The following UBE2E2 variants were observed in gnomAD, a reference collection of about 807,000 sequenced individuals.
UBE2E2 encodes ubiquitin-conjugating enzyme E2 E2.
Under a neutral mutation model 24.7 loss-of-function variants are expected in UBE2E2, and 6 were observed. The ratio of observed to expected loss-of-function variants is 0.24; its 90% CI spans 0.13 to 0.48. The LOEUF (loss-of-function observed/expected upper bound fraction) is 0.48. UBE2E2 is among the 20% of genes least tolerant of loss of function. The probability of loss-of-function intolerance (pLI) is 0.99; values close to 1 mark genes in which losing one functional copy is unlikely to be tolerated. For synonymous variants in UBE2E2, 104 were observed against 83.6 expected (o/e 1.24, Z -1.33); for missense variants, 169 against 245.0 (o/e 0.69, Z 2.07).
chr3:23,426,169 T>A (rs1268447569), intron 3 of UBE2E2, among the ~76,000 whole-genome samples: 17 of 152,040 alleles, frequency 1.1e-4, no homozygotes, highest in Admixed American at 9.2e-4. Context: ...AAACCTTGAG[T>A]ATATGTCAGT....
chr3:23,306,124 G>A (rs1365466684), intron 3 of UBE2E2, among the ~76,000 whole-genome samples: 2 of 152,098 alleles, frequency 1.3e-5, no homozygotes, highest in African/African-American at 4.8e-5. Flanking sequence ...CAACCTACGT[G>A]GCCACTGAAA....
chr3:23,282,772 T>C (rs1437099237), intron 3 of UBE2E2, among the ~76,000 whole-genome samples: 1 of 152,136 alleles, frequency 6.6e-6, no homozygotes, highest in East Asian at 1.9e-4. Flanking sequence ...CTTTTTATAC[T>C]AGATACACGT....
chr3:23,519,189 G>T (rs947123672), intron 4 of UBE2E2, among the ~76,000 whole-genome samples: 1 of 151,650 alleles, frequency 6.6e-6, no homozygotes, highest in East Asian at 1.9e-4. Context: ...GCAAGAATTA[G>T]CACATTCTCA....
intron 4 of UBE2E2, among the ~76,000 whole-genome samples, chr3:23,527,999 C>G (rs1695039718): frequency 6.6e-6 from 1 of 152,146 alleles, no homozygotes. Flanking sequence ...GTGGGAACCC[C>G]CAGTTTATAA....
At chr3:23,528,430 G>A (rs1375784462) in intron 4 of UBE2E2, among the ~76,000 whole-genome samples, 2 of 152,150 alleles carry the variant, frequency 1.3e-5, no homozygotes, top group African/African-American at 4.8e-5. Context: ...GAAAAGATGA[G>A]GCAGGGCGAG....
In UBE2E2 at chr3:23,589,279, GTGT is replaced by G. The variant is rs1261928542; in HGVS notation, c.509-449_509-447del. On this transcript the variant is annotated intron_variant, in intron 5 of 5. Transcript: ENST00000396703. This position sits in a 1 kb window ranked among gnomAD's most constrained non-coding sequence, Gnocchi z 4.1. ...AAAAAAAAATTTGAAAATTAGCCAG[GTGT>G]TGTTGCACACACCTGTGGTCCCAGC... Among the ~76,000 whole-genome samples the G allele has an allele frequency of 1.3e-5, 2 of 152,024 alleles. No individual in the cohort carries two copies. The highest frequency in any genetic ancestry group is 4.2e-4 in the South Asian group (2 of 4,808).
rs371497190 is a variant in UBE2E2 at position 23,313,597 on chromosome 3, A to G, written c.227+96285A>G. 4.0e-5 allele frequency among the ~76,000 whole-genome samples: 6 copies of G among 151,742 alleles called. No homozygotes were observed. In the East Asian group the frequency reaches 7.8e-4, roughly 20 times the overall value. On this transcript the variant is annotated intron_variant, in intron 3 of 5. Transcript: ENST00000396703. ...TCGGGGTTTCACCATGTTGGCCAGG[A>G]TGGTCTCCATCTCTTGACCTTGTAA...
At chr3:23,499,434 A>G (rs910897651) in intron 3 of UBE2E2, among the ~76,000 whole-genome samples, 174 bp from the exon 4 acceptor site, 3 of 152,214 alleles carry the variant, frequency 2.0e-5, no homozygotes, top group Non-Finnish European at 4.4e-5. Context: ...ATACCAACAT[A>G]TTTCACTTCT....
intron 3 of UBE2E2, among the ~76,000 whole-genome samples, chr3:23,458,064 G>A (rs1254460739): frequency 2.6e-5 from 4 of 152,020 alleles, no homozygotes; most frequent in Non-Finnish European, 5.9e-5. Flanking sequence ...TAACTGTTTT[G>A]CACAAGAGGT....
At chr3:23,326,528 A>G (rs1041018786) in intron 3 of UBE2E2, among the ~76,000 whole-genome samples, 55 of 152,240 alleles carry the variant, frequency 3.6e-4, no homozygotes, top group African/African-American at 1.2e-3. Context: ...TAAAAGAAAC[A>G]TTTAAGATGT....
At chr3:23,398,748 A>G (rs750676366) in intron 3 of UBE2E2, among the ~76,000 whole-genome samples, 1 of 152,224 alleles carries the variant, frequency 6.6e-6, no homozygotes, top group Non-Finnish European at 1.5e-5. Flanking sequence ...TTCGGAAGAC[A>G]GGGTTTTATA....
At chr3:23,538,818 A>G (rs1274582245) in intron 5 of UBE2E2, among the ~76,000 whole-genome samples, 1 of 152,176 alleles carries the variant, frequency 6.6e-6, no homozygotes, top group Non-Finnish European at 1.5e-5. Context: ...TGACCCCTAC[A>G]TATTTGTAAA....
At chr3:23,559,403 A>G (rs1376011111) in intron 5 of UBE2E2, among the ~76,000 whole-genome samples, 1 of 152,104 alleles carries the variant, frequency 6.6e-6, no homozygotes, top group Non-Finnish European at 1.5e-5. Context: ...CACACACTAG[A>G]TTACCTGGAG....
chr3:23,209,005 A>G (rs1464031908), intron 2 of UBE2E2, 130 bp downstream of exon 2: 1 of 1,018,302 alleles, frequency 9.8e-7, no homozygotes, highest in Non-Finnish European at 1.4e-6. Context: ...TTTTCCCTTC[A>G]AGATGATCTC....
intron 3 of UBE2E2, among the ~76,000 whole-genome samples, chr3:23,466,538 G>C (rs1279115296): frequency 6.6e-6 from 1 of 151,816 alleles, no homozygotes; most frequent in Non-Finnish European, 1.5e-5. Flanking sequence ...ATAAGGAGTA[G>C]TCCCAGAGTC....
chr3:23,370,662 G>T (rs1323194932), intron 3 of UBE2E2, among the ~76,000 whole-genome samples: 1 of 152,172 alleles, frequency 6.6e-6, no homozygotes, highest in African/African-American at 2.4e-5. Flanking sequence ...TGTGAGAATT[G>T]TGTTTTGTTA....
chr3:23,472,433 G>A (rs1699049101), intron 3 of UBE2E2, among the ~76,000 whole-genome samples: 1 of 151,960 alleles, frequency 6.6e-6, no homozygotes, highest in South Asian at 2.1e-4. Flanking sequence ...ACCGACAAGG[G>A]GTAGCAGAAA....
At chr3:23,263,598 C>T (rs933310485) in intron 3 of UBE2E2, among the ~76,000 whole-genome samples, 1 of 152,060 alleles carries the variant, frequency 6.6e-6, no homozygotes, top group African/African-American at 2.4e-5. Context: ...GGATGAGGGC[C>T]TTTCGTTTAA....
intron 3 of UBE2E2, among the ~76,000 whole-genome samples, chr3:23,479,387 G>A (rs144356618): frequency 2.0e-3 from 303 of 152,280 alleles, no homozygotes; most frequent in Non-Finnish European, 3.5e-3. Context: ...GCATCTGAAC[G>A]CAGTGGCAAC....
Sources: gnomAD v4.1 joint callset for allele counts (sites outside exome capture counted in the v4.1 genomes callset) on GRCh38, gnomAD v4.1.1 for gene constraint, Gnocchi (gnomAD v3.1) non-coding constraint, MANE v1.5 for transcripts, NCBI Gene and HGNC (gene_info 2026-07-23, HGNC 2026-07-21) for gene names.